The following SUSD1 variants were observed in gnomAD, a reference collection of about 807,000 sequenced individuals.
SUSD1 encodes the protein sushi domain-containing protein 1.
Under a neutral mutation model 86.9 loss-of-function variants are expected in SUSD1, and 65 were observed. That is an observed-to-expected ratio of 0.75 (90% CI 0.61 to 0.92). The LOEUF is 0.92. Ranked by LOEUF, SUSD1 falls within the 40% of genes least tolerant of loss-of-function variation. The pLI is 0.00. For missense variants in SUSD1, 850 were observed against 929.7 expected, an observed-to-expected ratio of 0.91 and a Z score of 1.11; for synonymous variants, 346 against 350.0, an observed-to-expected ratio of 0.99 and a Z score of 0.13.
intron 5 of SUSD1, among the ~76,000 whole-genome samples, chr9:112,138,281 G>GTGTATATACATATATATATATGTAT (rs1491304710): frequency 2.5e-4 from 12 of 47,236 alleles, no homozygotes; most frequent in South Asian, 5.8e-4. Flanking sequence ...ATATATATAT[G>GTGTATATACATATATATATATGTAT]AAGTCCAGGA....
chr9:112,072,825 C>T (rs192852672), intron 12 of SUSD1, among the ~76,000 whole-genome samples: 2 of 152,348 alleles, frequency 1.3e-5, no homozygotes, highest in South Asian at 2.1e-4. Context: ...CCTGTGTCCA[C>T]GGAAGACTTG....
chr9:112,074,005 C>T (rs979988423), intron 12 of SUSD1, among the ~76,000 whole-genome samples: 3 of 152,022 alleles, frequency 2.0e-5, no homozygotes, highest in Non-Finnish European at 4.4e-5. Flanking sequence ...TCACTTAAGG[C>T]CAGGAGTTCA....
At chr9:112,059,123 C>T (rs1355224266) in intron 13 of SUSD1, among the ~76,000 whole-genome samples, 4 of 152,270 alleles carry the variant, frequency 2.6e-5, no homozygotes, top group East Asian at 1.9e-4. Context: ...ACTGGAGACA[C>T]GACACTAGGC....
intron 2 of SUSD1, among the ~76,000 whole-genome samples, chr9:112,150,735 C>G (rs1833010358): frequency 6.6e-6 from 1 of 152,124 alleles, no homozygotes; most frequent in Admixed American, 6.5e-5. Context: ...GCAACTGTAA[C>G]ACAGTGGGAA....
At chr9:112,137,473 T>C (rs1482512299) in intron 5 of SUSD1, among the ~76,000 whole-genome samples, 1 of 152,180 alleles carries the variant, frequency 6.6e-6, no homozygotes, top group Non-Finnish European at 1.5e-5. Flanking sequence ...TTATATGGGG[T>C]TTCCTATGTA....
intron 10 of SUSD1, among the ~76,000 whole-genome samples, chr9:112,083,674 G>C (rs12683009): frequency 6.6e-6 from 1 of 152,028 alleles, no homozygotes; most frequent in East Asian, 1.9e-4. Flanking sequence ...ATTTCTTCAC[G>C]GTCAGAATAT....
chr9:112,152,478 T>C lies in SUSD1; in HGVS notation c.218-3079A>G, dbSNP rs1833096588. 4.0e-5 allele frequency among the ~76,000 whole-genome samples: 6 copies of C among 151,442 alleles called. No individual in the cohort carries two copies. The South Asian group carries it at 1.0e-3, about 26-fold the overall frequency. ...GTGCAGTGGTGTGATCATAGCTCAC[T>C]GCAACCTCAACCTCCTAAGCTCAAG... On this transcript the variant is annotated intron_variant, in intron 2 of 16. Coordinates refer to ENST00000374270, the MANE Select transcript of SUSD1 (RefSeq NM_022486.5).
At chr9:112,051,424 TTTTTTTTTTG>T (rs1232861067) in intron 15 of SUSD1, among the ~76,000 whole-genome samples, 227 of 123,440 alleles carry the variant, frequency 1.8e-3, no homozygotes, top group South Asian at 3.9e-3. Context: ...TTTTTTTTTT[TTTTTTTTTTG>T]TTGTTGTTGT....
At chr9:112,080,939 C>T (rs1001488352) in intron 10 of SUSD1, among the ~76,000 whole-genome samples, 5 of 152,046 alleles carry the variant, frequency 3.3e-5, no homozygotes, top group African/African-American at 1.2e-4. Context: ...TAGGAGGTGG[C>T]GGGATTCTCT....
In SUSD1 at chr9:112,143,437, C is replaced by T. The variant is rs80332994; in HGVS notation, c.526+34G>A. ...GAAAGTCACCATCAACAGAATTTCA[C>T]GTTGAGATGCCGCAATTTTTGGCAG... is the stretch of plus-strand genomic sequence containing the variant. On this transcript the variant is annotated intron_variant, in intron 4 of 16. Coordinates refer to ENST00000374270, the MANE Select transcript of SUSD1 (RefSeq NM_022486.5). 2,031 of 1,606,010 alleles carry T rather than the reference C, an allele frequency of 1.3e-3. 6 individuals carry two copies. Among genetic ancestry groups the T allele is most frequent in the Non-Finnish European group, 1.6e-3 (1,840 of 1,175,520 alleles).
At chr9:112,156,783 A>C (rs1351730264) in intron 2 of SUSD1, among the ~76,000 whole-genome samples, 1 of 152,122 alleles carries the variant, frequency 6.6e-6, no homozygotes, top group Non-Finnish European at 1.5e-5. Flanking sequence ...TCTATCCACA[A>C]CTGTAAGGTA....
chr9:112,158,532 C>T (rs1833436085), intron 1 of SUSD1, among the ~76,000 whole-genome samples: 1 of 152,066 alleles, frequency 6.6e-6, no homozygotes, highest in Non-Finnish European at 1.5e-5. Context: ...GCTGGGACTA[C>T]AGGCGCACAC....
At chr9:112,109,253 A>G (rs1338184536) in intron 8 of SUSD1, among the ~76,000 whole-genome samples, 1 of 152,246 alleles carries the variant, frequency 6.6e-6, no homozygotes, top group Non-Finnish European at 1.5e-5. Flanking sequence ...TCAACTTTAA[A>G]AGAAGGGAAT....
At chr9:112,143,387 TC>T (rs951377530) in intron 4 of SUSD1, 83 bp downstream of exon 4, 1 of 1,406,482 alleles carries the variant, frequency 7.1e-7, no homozygotes, top group African/African-American at 1.4e-5. Context: ...TCCACCTGCC[TC>T]CCCAACACAG....
Position 112,157,740 on chromosome 9 carries a change from C to T in SUSD1, c.104-127G>A, listed in dbSNP as rs569973900. The T allele has an allele frequency of 8.5e-6, 5 of 585,958 alleles. No homozygotes were observed. In the East Asian group the frequency reaches 1.5e-4, roughly 17 times the overall value. The allele number at this position is 585,958 out of a possible 1,614,324, so 36.3% of individuals were successfully genotyped here. Reference sequence around the variant, plus strand: ...TAACACAGGACACACCTAGTCTCATCCTTAAAAACCTTCAGTGGCTGTTTA... The same window carrying T: ...TAACACAGGACACACCTAGTCTCATTCTTAAAAACCTTCAGTGGCTGTTTA... On this transcript the variant is annotated intron_variant, in intron 1 of 16. Coordinates refer to ENST00000374270, the MANE Select transcript of SUSD1 (RefSeq NM_022486.5).
intron 5 of SUSD1, among the ~76,000 whole-genome samples, chr9:112,137,058 C>T (rs777714199): frequency 3.3e-5 from 5 of 152,188 alleles, no homozygotes; most frequent in Non-Finnish European, 5.9e-5. Context: ...TGCATAAGCT[C>T]ATGACATACA....
chr9:112,128,239 T>G (rs531575997), intron 5 of SUSD1, among the ~76,000 whole-genome samples: 1 of 151,814 alleles, frequency 6.6e-6, no homozygotes, highest in East Asian at 1.9e-4. Context: ...ACTACAGGCA[T>G]GCACCACCAC....
intron 7 of SUSD1, among the ~76,000 whole-genome samples, chr9:112,112,286 C>T (rs1831132655): frequency 6.6e-6 from 1 of 152,130 alleles, no homozygotes; most frequent in Non-Finnish European, 1.5e-5. Flanking sequence ...CGAAATCATC[C>T]AGATATCTTC....
At chr9:112,141,643 C>T (rs1437544951) in intron 5 of SUSD1, among the ~76,000 whole-genome samples, 1 of 150,198 alleles carries the variant, frequency 6.7e-6, no homozygotes, top group African/African-American at 2.4e-5. Context: ...TGCCACTACA[C>T]TGCAGACTGG....
Sources: allele counts gnomAD v4.1 joint callset (sites outside exome capture counted in the v4.1 genomes callset), GRCh38; gene constraint gnomAD v4.1.1; transcripts MANE v1.5; gene names NCBI Gene and HGNC (gene_info 2026-07-23, HGNC 2026-07-21).